The following KLHL7 variants were observed in gnomAD, a reference collection of about 807,000 sequenced individuals.
KLHL7 encodes the protein kelch-like protein 7.
A neutral mutation model predicts 67.4 loss-of-function variants in KLHL7; 44 were observed. The ratio of observed to expected loss-of-function variants is 0.65; its 90% CI spans 0.51 to 0.84. The LOEUF is 0.84. KLHL7 is among the 40% of genes least tolerant of loss of function. KLHL7 has a pLI of 0.00. For missense variants in KLHL7, 362 were observed against 718.1 expected (o/e 0.50, Z 5.67); for synonymous variants, 252 against 243.3 (o/e 1.04, Z -0.33).
At chr7:23,124,815 A>C in intron 3 of KLHL7, 34 bp downstream of exon 3, 1 of 1,373,340 alleles carries the variant, frequency 7.3e-7, no homozygotes, top group Non-Finnish European at 1.0e-6. Flanking sequence ...TTAGAGAAGT[A>C]ATGTTGGTAT....
intron 7 of KLHL7, among the ~76,000 whole-genome samples, chr7:23,153,600 G>A (rs563553624): frequency 5.8e-4 from 89 of 152,278 alleles, no homozygotes; most frequent in Middle Eastern, 3.4e-3. Context: ...CTCATGGGCA[G>A]CTGGGAATTG....
At chr7:23,124,659 G>A in intron 2 of KLHL7, 29 bp from the exon 3 acceptor site, 1 of 1,366,514 alleles carries the variant, frequency 7.3e-7, no homozygotes, top group Non-Finnish European at 1.0e-6. Context: ...TAGTACAGAT[G>A]CCATTTATGT....
In KLHL7 at chr7:23,175,255, A is replaced by G. The variant is rs1450277121; in HGVS notation, c.*957A>G. 2.2e-6 allele frequency: 1 copy of G among 454,058 alleles called. No individual in the cohort carries two copies. Among genetic ancestry groups the G allele is most frequent in the Non-Finnish European group, 4.4e-6 (1 of 226,756 alleles). The allele number at this position is 454,058 out of a possible 1,614,324, so 28.1% of individuals were successfully genotyped here. A position where few individuals can be genotyped will look rare whatever the true frequency, so the allele number is the denominator to read the frequency against. On this transcript the variant is annotated 3_prime_UTR_variant, in exon 11 of 11. Transcript: ENST00000339077. ...TGTAATCATGAGTTAGATATATGTCATCTCCTATTCATTGCTTTTATGTGA... is the reference window on the plus strand; with the variant it reads ...TGTAATCATGAGTTAGATATATGTCGTCTCCTATTCATTGCTTTTATGTGA...
At chr7:23,115,794 C>T (rs867186497) in intron 1 of KLHL7, among the ~76,000 whole-genome samples, 2 of 152,122 alleles carry the variant, frequency 1.3e-5, no homozygotes, top group African/African-American at 4.8e-5. Flanking sequence ...CTGCCGGCCT[C>T]AGCCTCCCAA....
At chr7:23,150,516 C>T (rs879609427) in intron 6 of KLHL7, among the ~76,000 whole-genome samples, 8 of 151,984 alleles carry the variant, frequency 5.3e-5, no homozygotes, top group African/African-American at 9.7e-5. Context: ...TCATTCCATG[C>T]GTACATACTA....
chr7:23,140,716 C>T, intron 4 of KLHL7, 53 bp from the exon 5 acceptor site: 1 of 1,488,058 alleles, frequency 6.7e-7, no homozygotes, highest in Non-Finnish European at 9.3e-7. Context: ...TGAATGTATA[C>T]TTGGTTTTTC....
At chr7:23,125,675 C>A in intron 4 of KLHL7, 2 of 1,393,956 alleles carry the variant, frequency 1.4e-6, no homozygotes, top group Non-Finnish European at 1.9e-6. Context: ...GAAAACATAA[C>A]CTTAGTCTAT....
intron 4 of KLHL7, among the ~76,000 whole-genome samples, chr7:23,139,888 T>C (rs1207653378): frequency 6.6e-6 from 1 of 151,198 alleles, no homozygotes; most frequent in Non-Finnish European, 1.5e-5. Flanking sequence ...TCTTCACTTC[T>C]CCCTTTTCTC....
At position 23,169,163 on chromosome 7, in the gene KLHL7, G is replaced by A. The variant is rs191433873; in HGVS notation, c.1379+1126G>A. ...GTAATCCACTACTGGGGAGGCTGAA[G>A]CAGGAAAATTGCTTGAACCTGGGAG... On this transcript the variant is annotated intron_variant, in intron 9 of 10. Coordinates refer to ENST00000339077, the MANE Select transcript of KLHL7 (RefSeq NM_001031710.3). Among the ~76,000 whole-genome samples, 8 of 152,216 alleles carry A rather than the reference G, an allele frequency of 5.3e-5. No homozygotes were observed. In the East Asian group the frequency reaches 1.5e-3, roughly 29 times the overall value.
chr7:23,106,413 G>T (rs754813635), intron 1 of KLHL7: 19 of 1,305,440 alleles, frequency 1.5e-5, no homozygotes, highest in Non-Finnish European at 1.8e-5. Flanking sequence ...TCGCCGTCGG[G>T]TATCGGTTGT....
At chr7:23,169,747 G>A (rs750923334) in intron 9 of KLHL7, among the ~76,000 whole-genome samples, 1 of 152,024 alleles carries the variant, frequency 6.6e-6, no homozygotes, top group Non-Finnish European at 1.5e-5. Flanking sequence ...TCAGTTTCAG[G>A]AATATTTAAA....
chr7:23,171,831 T>C (rs931953473), intron 9 of KLHL7, among the ~76,000 whole-genome samples: 12 of 152,214 alleles, frequency 7.9e-5, no homozygotes, highest in African/African-American at 2.9e-4. Context: ...TGCCTCAGCC[T>C]CCTGAGTAGC....
chr7:23,164,164 C>A (rs1421710508), intron 7 of KLHL7, among the ~76,000 whole-genome samples: 2 of 151,600 alleles, frequency 1.3e-5, no homozygotes, highest in Non-Finnish European at 2.9e-5. Flanking sequence ...CCCACCCCAC[C>A]CCCCGCCAAC....
chr7:23,158,092 G>A (rs1351592062), intron 7 of KLHL7, among the ~76,000 whole-genome samples: 1 of 152,114 alleles, frequency 6.6e-6, no homozygotes, highest in East Asian at 1.9e-4. Context: ...AGCCTCTCTA[G>A]TAGTTGGGAC....
In KLHL7 at chr7:23,165,931, A is replaced by G; in HGVS notation, c.1170A>G (p.Ser390=). The G allele has an allele frequency of 2.5e-6, 4 of 1,614,118 alleles. No homozygotes were observed. The highest frequency in any genetic ancestry group is 3.4e-6 in the Non-Finnish European group (4 of 1,180,006). The part of the protein sequence containing the change: ...AEGKIYTSGG[S]EVGNSALYLF... ...GCAAAATTTATACATCTGGAGGTTC[A>G]GAAGTAGGTAAGGACTTCTTAAGTA... The change falls in exon 8 of 11, where the codon TCA becomes TCG. Residue 390 remains serine (S), a synonymous_variant. Coordinates refer to ENST00000339077, the MANE Select transcript of KLHL7 (RefSeq NM_001031710.3).
chr7:23,106,036 T>C lies in KLHL7; in HGVS notation c.10T>C (p.Ser4Pro), dbSNP rs755687208. The C allele has an allele frequency of 1.2e-6, 2 of 1,610,190 alleles. No individual in the cohort carries two copies. The highest frequency in any genetic ancestry group is 1.7e-6 in the Non-Finnish European group (2 of 1,178,830). The change falls in exon 1 of 11, where the codon TCT (serine) becomes CCT (proline). Residue 4 changes from serine (S) to proline (P), a missense_variant. By Grantham distance (74) the Ser-to-Pro change is moderately conservative (BLOSUM62 -1). Transcript: ENST00000339077. The part of the protein sequence containing the change: MAA[S>P]GVEKSSKKKT... ...ACCGAGCTGAGGGAGGATGGCAGCCTCTGGGGTGGAGAAGAGCAGCAAGAA... is the reference window on the plus strand; with the variant it reads ...ACCGAGCTGAGGGAGGATGGCAGCCCCTGGGGTGGAGAAGAGCAGCAAGAA...
chr7:23,124,535 A>T lies in KLHL7; in HGVS notation c.224-153A>T, dbSNP rs576390221. On this transcript the variant is annotated intron_variant, in intron 2 of 10. Coordinates refer to ENST00000339077, the MANE Select transcript of KLHL7 (RefSeq NM_001031710.3). ...TTGGGTGGAGAATTAATTTGCATTGACTATAGAAATGTTGGGCTTGCTGGG... is the reference window on the plus strand; with the variant it reads ...TTGGGTGGAGAATTAATTTGCATTGTCTATAGAAATGTTGGGCTTGCTGGG... 2.0e-5 allele frequency among the ~76,000 whole-genome samples: 3 copies of T among 152,332 alleles called. No homozygotes were observed. The South Asian group carries it at 6.2e-4, about 32-fold the overall frequency.
chr7:23,145,262 G>A (rs537759012), intron 6 of KLHL7, among the ~76,000 whole-genome samples: 6 of 148,734 alleles, frequency 4.0e-5, no homozygotes, highest in Admixed American at 4.0e-4. Flanking sequence ...TTTGTCTCTT[G>A]GCCTTTTTCT....
intron 1 of KLHL7, among the ~76,000 whole-genome samples, chr7:23,112,886 A>G (rs1418962838): frequency 6.6e-6 from 1 of 152,154 alleles, no homozygotes; most frequent in East Asian, 1.9e-4. Context: ...TTTAAATGGG[A>G]AAGATATAGG....
Sources: gnomAD v4.1 joint callset for allele counts (sites outside exome capture counted in the v4.1 genomes callset) on GRCh38, gnomAD v4.1.1 for gene constraint, MANE v1.5 for transcripts, NCBI Gene and HGNC (gene_info 2026-07-23, HGNC 2026-07-21) for gene names.